Variants in ZBTB20 observed in about 807,000 individuals in gnomAD.
ZBTB20 encodes zinc finger and BTB domain-containing protein 20.
In ZBTB20, 9 loss-of-function variants were observed where a neutral mutation model predicts 56.9. That is an observed-to-expected ratio of 0.16 (90% confidence interval 0.10 to 0.28). The LOEUF (loss-of-function observed/expected upper bound fraction) is 0.28. Among genes scored for constraint, ZBTB20 ranks in the 10% least tolerant of loss-of-function variants. The pLI, the probability that ZBTB20 is intolerant of heterozygous loss-of-function variation, is 1.00. For synonymous variants in ZBTB20, 417 were observed against 420.7 expected (o/e 0.99, Z 0.11); for missense variants, 655 against 1,003.0 (o/e 0.65, Z 4.69).
intron 1 of ZBTB20, among the ~76,000 whole-genome samples, chr3:115,112,765 G>A (rs1466993723): frequency 6.6e-6 from 1 of 152,132 alleles, no homozygotes; most frequent in African/African-American, 2.4e-5. Context: ...AATAAACATG[G>A]GAGTGCGGGT....
intron 1 of ZBTB20, among the ~76,000 whole-genome samples, chr3:115,097,453 T>C (rs942004588): frequency 6.6e-6 from 1 of 151,648 alleles, no homozygotes; most frequent in Non-Finnish European, 1.5e-5. Context: ...AAGTGCCCTA[T>C]TTTTTTTAAA....
At chr3:114,912,088 T>C (rs1263771887) in intron 3 of ZBTB20, among the ~76,000 whole-genome samples, 2 of 148,064 alleles carry the variant, frequency 1.4e-5, no homozygotes, top group East Asian at 2.0e-4. Flanking sequence ...AAAAACCTTG[T>C]AAACCAGGAG....
intron 6 of ZBTB20, among the ~76,000 whole-genome samples, chr3:114,644,672 C>T (rs377251211): frequency 1.3e-5 from 2 of 152,104 alleles, no homozygotes; most frequent in African/African-American, 2.4e-5. Context: ...CTAGTCCTAC[C>T]TATTAGGTAC....
rs1267220957 is a variant in ZBTB20 at position 114,787,358 on chromosome 3, TATATATATATAC to T, written c.-343+13731_-343+13742del. 1.4e-3 allele frequency among the ~76,000 whole-genome samples: 116 copies of T among 85,900 alleles called. 1 individual carries two copies. The highest frequency in any genetic ancestry group is 1.6e-3 in the Non-Finnish European group (61 of 38,992). The allele number at this position is 85,900 out of a possible 152,430, so 56.4% of individuals were successfully genotyped here. A position where few individuals can be genotyped will look rare whatever the true frequency, so the allele number is the denominator to read the frequency against. ...ATATATATATATATATATATATATA[TATATATATATAC>T]ACACACACACACACACACACACATA... is the stretch of plus-strand genomic sequence containing the variant. On this transcript the variant is annotated intron_variant, in intron 5 of 11. Transcript: ENST00000675478.
At chr3:114,806,022 C>G (rs1185600053) in intron 4 of ZBTB20, among the ~76,000 whole-genome samples, 1 of 151,782 alleles carries the variant, frequency 6.6e-6, no homozygotes, top group Non-Finnish European at 1.5e-5. Context: ...TGAATTGTTT[C>G]CAGTTTTTTA....
At chr3:114,431,119 G>A (rs941823502) in intron 7 of ZBTB20, among the ~76,000 whole-genome samples, 1 of 152,068 alleles carries the variant, frequency 6.6e-6, no homozygotes, top group Non-Finnish European at 1.5e-5. Context: ...AAAAGAAAAC[G>A]AAAAACAGAA....
At chr3:115,060,769 T>G (rs1413824906) in intron 2 of ZBTB20, among the ~76,000 whole-genome samples, 1 of 152,144 alleles carries the variant, frequency 6.6e-6, no homozygotes. Flanking sequence ...AAGATACATA[T>G]GTTTGCAAAA....
At chr3:114,699,998 C>A (rs1377452036) in intron 5 of ZBTB20, among the ~76,000 whole-genome samples, 1 of 152,040 alleles carries the variant, frequency 6.6e-6, no homozygotes, top group Non-Finnish European at 1.5e-5. Flanking sequence ...TCAAAGGATT[C>A]TTTTATAAGA....
rs565360704 is a variant in ZBTB20 at position 114,542,752 on chromosome 3, G to T, written c.-294-42361C>A. ...TCTGGCAGTGAGGTACACAGGAAGG[G>T]TTCAGGTGAATCAGAACCATTCAGA... On this transcript the variant is annotated intron_variant, in intron 6 of 11. Coordinates refer to ENST00000675478, the MANE Select transcript of ZBTB20 (RefSeq NM_001348800.3). Among the ~76,000 whole-genome samples, 130 of 152,236 alleles carry T rather than the reference G, an allele frequency of 8.5e-4. 2 individuals are homozygous for T. In the South Asian group the frequency reaches 1.0e-2, roughly 12 times the overall value.
intron 7 of ZBTB20, among the ~76,000 whole-genome samples, chr3:114,445,846 TAGTC>T (rs1417301491): frequency 3.3e-5 from 5 of 152,194 alleles, no homozygotes; most frequent in African/African-American, 4.8e-5. Context: ...TTTAATAAAT[TAGTC>T]AGGAGTCAAG....
intron 2 of ZBTB20, among the ~76,000 whole-genome samples, chr3:115,069,055 A>G (rs1368409513): frequency 6.6e-6 from 1 of 152,126 alleles, no homozygotes; most frequent in African/African-American, 2.4e-5. Flanking sequence ...GGAAAACAGG[A>G]TATGAAATTA....
At chr3:114,514,478 G>C (rs1046072696) in intron 6 of ZBTB20, among the ~76,000 whole-genome samples, 2 of 152,186 alleles carry the variant, frequency 1.3e-5, no homozygotes, top group African/African-American at 2.4e-5. Flanking sequence ...ATACCAGAGA[G>C]AGACACCCAG....
At chr3:115,001,995 A>G (rs1394079467) in intron 2 of ZBTB20, among the ~76,000 whole-genome samples, 1 of 151,548 alleles carries the variant, frequency 6.6e-6, no homozygotes, top group Non-Finnish European at 1.5e-5. Flanking sequence ...AAGGCTTACT[A>G]TATAGCTACA....
chr3:114,633,956 CATCAA>C (rs2059112394), intron 6 of ZBTB20, among the ~76,000 whole-genome samples: 1 of 152,144 alleles, frequency 6.6e-6, no homozygotes, highest in African/African-American at 2.4e-5. Context: ...GTTTTGAAGG[CATCAA>C]ATTATAAGCT....
At chr3:114,724,628 G>T (rs2065143258) in intron 5 of ZBTB20, among the ~76,000 whole-genome samples, 1 of 152,110 alleles carries the variant, frequency 6.6e-6, no homozygotes, top group Non-Finnish European at 1.5e-5. Flanking sequence ...GTATCTCAAA[G>T]AGCTATTTAG....
chr3:115,075,416 C>T (rs2082559199), intron 1 of ZBTB20, among the ~76,000 whole-genome samples: 1 of 152,120 alleles, frequency 6.6e-6, no homozygotes, highest in Admixed American at 6.5e-5. Flanking sequence ...TCAATTAGCA[C>T]AGTGTCCTCA....
At chr3:114,344,121 C>T (rs888309570) in intron 11 of ZBTB20, among the ~76,000 whole-genome samples, 11 of 152,166 alleles carry the variant, frequency 7.2e-5, no homozygotes, top group African/African-American at 2.2e-4. Context: ...CTGTTCATTC[C>T]CTGGGATGTG....
At chr3:115,108,398 T>C (rs1295577982) in intron 1 of ZBTB20, among the ~76,000 whole-genome samples, 1 of 152,166 alleles carries the variant, frequency 6.6e-6, no homozygotes, top group Non-Finnish European at 1.5e-5. Context: ...GGTTAAACTG[T>C]ACTACATAAA....
intron 6 of ZBTB20, among the ~76,000 whole-genome samples, chr3:114,676,547 AG>A (rs2061638326): frequency 6.6e-6 from 1 of 152,102 alleles, no homozygotes; most frequent in Admixed American, 6.6e-5. Flanking sequence ...TGTCTCGTGT[AG>A]GGGTTCCCAA....
Sources: allele counts gnomAD v4.1 joint callset (sites outside exome capture counted in the v4.1 genomes callset), GRCh38; gene constraint gnomAD v4.1.1; transcripts MANE v1.5; gene names NCBI Gene and HGNC (gene_info 2026-07-23, HGNC 2026-07-21).